MCHR2: variants seen among roughly 807,000 people sequenced by gnomAD.
MCHR2 encodes the protein melanin-concentrating hormone receptor 2.
In MCHR2, 15 loss-of-function variants were observed where a neutral mutation model predicts 24.8. The ratio of observed to expected loss-of-function variants is 0.60; its 90% CI spans 0.40 to 0.93. The LOEUF is 0.93. MCHR2 is among the 40% of genes least tolerant of loss of function. The pLI is 0.00. For missense variants in MCHR2, 386 were observed against 408.7 expected, an observed-to-expected ratio of 0.94 and a Z score of 0.48; for synonymous variants, 151 against 147.6, an observed-to-expected ratio of 1.02 and a Z score of -0.17.
intron 1 of MCHR2, among the ~76,000 whole-genome samples, chr6:99,973,938 C>T (rs1054049765): frequency 1.3e-5 from 2 of 152,234 alleles, no homozygotes; most frequent in African/African-American, 4.8e-5. Flanking sequence ...CACTGTTAAT[C>T]TGATGGGCTT....
At chr6:99,987,495 C>T (rs190561266) in intron 1 of MCHR2, among the ~76,000 whole-genome samples, 16 of 152,216 alleles carry the variant, frequency 1.1e-4, no homozygotes, top group African/African-American at 2.9e-4. Flanking sequence ...ATTCCATGCT[C>T]GCTGCCATTC....
At chr6:99,925,336 T>A (rs975658272) in intron 5 of MCHR2, among the ~76,000 whole-genome samples, 1 of 152,132 alleles carries the variant, frequency 6.6e-6, no homozygotes, top group Non-Finnish European at 1.5e-5. Flanking sequence ...CAGGTCTTGT[T>A]TTTTCATTCA....
chr6:99,946,701 C>T (rs1218706462), intron 3 of MCHR2, among the ~76,000 whole-genome samples: 1 of 152,150 alleles, frequency 6.6e-6, no homozygotes, highest in African/African-American at 2.4e-5. Context: ...CACACACACA[C>T]ACGTGATTTA....
chr6:99,993,717 C>T (rs1205521153), intron 1 of MCHR2, among the ~76,000 whole-genome samples: 1 of 152,132 alleles, frequency 6.6e-6, no homozygotes, highest in African/African-American at 2.4e-5. Context: ...GCCACCCACC[C>T]GCCCCGCTCC....
chr6:99,931,560 AC>A (rs1210643030), intron 5 of MCHR2, among the ~76,000 whole-genome samples: 1 of 151,604 alleles, frequency 6.6e-6, no homozygotes, highest in Non-Finnish European at 1.5e-5. Flanking sequence ...ACCCTCCCCC[AC>A]CCTCGCTGCC....
intron 1 of MCHR2, among the ~76,000 whole-genome samples, chr6:99,982,711 T>C (rs927808898): frequency 1.3e-5 from 2 of 152,024 alleles, no homozygotes; most frequent in African/African-American, 4.8e-5. Context: ...GATGAACTCT[T>C]GATGGAGAAG....
rs575998583 is a variant in MCHR2, at chr6:99,962,100, G to T, written c.-27-5926C>A. The stretch of plus-strand genomic sequence containing the variant: ...AGCTTTGCTTTGGCATATCCAAATT[G>T]CCAGCATTACTAGTCTTGTGCTTTG... On this transcript the variant is annotated intron_variant, in intron 1 of 5. Transcript: ENST00000281806. Among the ~76,000 whole-genome samples the T allele has an allele frequency of 1.6e-4, 25 of 152,208 alleles. No individual in the cohort carries two copies. In the South Asian group the frequency reaches 5.2e-3, roughly 32 times the overall value.
chr6:99,975,801 A>T (rs898633559), intron 1 of MCHR2, among the ~76,000 whole-genome samples: 1 of 152,258 alleles, frequency 6.6e-6, no homozygotes, highest in Non-Finnish European at 1.5e-5. Context: ...GTAGTGGCTA[A>T]ACACTTAAAT....
Position 99,919,809 on chromosome 6 carries a change from C to T in MCHR2, c.*1131G>A, listed in dbSNP as rs1318168384. The T allele has an allele frequency of 3.3e-5, 5 of 150,094 alleles. No homozygotes were observed. Among genetic ancestry groups the T allele is most frequent in the African/African-American group, 1.2e-4 (5 of 40,850 alleles). 9.3% of individuals were successfully genotyped at this position (150,094 alleles called of 1,614,324 possible). The stretch of plus-strand genomic sequence containing the variant: ...GTGGCGTGATCTCGGCTCACTGTAA[C>T]CTCCACCTCCTGGGTTCAAGCAATT... On this transcript the variant is annotated 3_prime_UTR_variant, in exon 6 of 6. Transcript: ENST00000281806.
intron 2 of MCHR2, among the ~76,000 whole-genome samples, chr6:99,954,816 G>A (rs187556182): frequency 5.9e-5 from 9 of 152,136 alleles, no homozygotes; most frequent in Admixed American, 5.9e-4. Context: ...ACTTTCTGAT[G>A]GTTTGATTTA....
intron 5 of MCHR2, among the ~76,000 whole-genome samples, chr6:99,923,216 G>A (rs1297279964): frequency 1.3e-5 from 2 of 152,166 alleles, no homozygotes; most frequent in East Asian, 3.9e-4. Flanking sequence ...AAATGCTACT[G>A]ATTTTTGTAT....
At chr6:99,931,272 G>T (rs1434267015) in intron 5 of MCHR2, among the ~76,000 whole-genome samples, 1 of 152,188 alleles carries the variant, frequency 6.6e-6, no homozygotes, top group African/African-American at 2.4e-5. Context: ...CAGTTAGGCT[G>T]CTCGGGGGTC....
At chr6:99,937,849 T>G (rs1774694940) in intron 4 of MCHR2, among the ~76,000 whole-genome samples, 1 of 151,886 alleles carries the variant, frequency 6.6e-6, no homozygotes, top group Admixed American at 6.6e-5. Context: ...TTTCCTTTGA[T>G]GAAAGACTTT....
At chr6:99,979,922 A>G (rs1367187151) in intron 1 of MCHR2, among the ~76,000 whole-genome samples, 1 of 152,250 alleles carries the variant, frequency 6.6e-6, no homozygotes, top group East Asian at 1.9e-4. Context: ...AGTTAAATTC[A>G]GAAGAAAAAA....
chr6:99,921,924 G>A (rs543561379), intron 5 of MCHR2, among the ~76,000 whole-genome samples: 7 of 152,222 alleles, frequency 4.6e-5, no homozygotes, highest in Admixed American at 4.6e-4. Flanking sequence ...ATGACTTTCA[G>A]TTCCATCCAT....
At chr6:99,929,165 T>A (rs1331262178) in intron 5 of MCHR2, among the ~76,000 whole-genome samples, 2 of 152,246 alleles carry the variant, frequency 1.3e-5, no homozygotes, top group African/African-American at 4.8e-5. Flanking sequence ...AGTTTCTTAA[T>A]CCTGAGTTCT....
chr6:99,984,469 G>C (rs373972500), intron 1 of MCHR2, among the ~76,000 whole-genome samples: 15 of 123,606 alleles, frequency 1.2e-4, no homozygotes, highest in South Asian at 2.7e-4. Context: ...TTATTTTATA[G>C]GTTACATTTG....
chr6:99,970,280 T>C (rs1413991011), intron 1 of MCHR2, among the ~76,000 whole-genome samples: 1 of 152,270 alleles, frequency 6.6e-6, no homozygotes, highest in Middle Eastern at 3.4e-3. Flanking sequence ...TATCTCATTG[T>C]GGTTTTGATT....
intron 2 of MCHR2, 115 bp from the exon 3 acceptor site, chr6:99,948,086 A>T: frequency 2.4e-6 from 2 of 834,304 alleles, no homozygotes; most frequent in Non-Finnish European, 3.7e-6. Context: ...TTAAAGGAAA[A>T]CCTATACAGA....
Sources: allele counts gnomAD v4.1 joint callset (sites outside exome capture counted in the v4.1 genomes callset), GRCh38; gene constraint gnomAD v4.1.1; transcripts MANE v1.5; gene names NCBI Gene and HGNC (gene_info 2026-07-23, HGNC 2026-07-21).